The following BTRC variants were observed in gnomAD, a reference collection of about 807,000 sequenced individuals.
BTRC encodes F-box/WD repeat-containing protein 1A.
In BTRC, 42 loss-of-function variants were observed where a neutral mutation model predicts 85.5. The observed-to-expected ratio is 0.49, with a 90% CI of 0.38 to 0.64. BTRC has a LOEUF of 0.64. BTRC is among the 30% of genes least tolerant of loss of function. BTRC has a pLI of 0.00. For synonymous variants in BTRC, 255 were observed against 263.3 expected, an observed-to-expected ratio of 0.97 and a Z score of 0.30; for missense variants, 594 against 743.5, an observed-to-expected ratio of 0.80 and a Z score of 2.34.
intron 1 of BTRC, among the ~76,000 whole-genome samples, chr10:101,371,881 A>G (rs1378059204): frequency 6.6e-6 from 1 of 152,022 alleles, no homozygotes; most frequent in Non-Finnish European, 1.5e-5. Context: ...CTATGTAACA[A>G]GGTTTGAGGG....
At chr10:101,536,700 T>G in intron 12 of BTRC, 47 bp downstream of exon 12, 1 of 1,400,574 alleles carries the variant, frequency 7.1e-7, no homozygotes, top group Non-Finnish European at 1.0e-6. Flanking sequence ...TACGTCTTAA[T>G]CCTTCCTTAT....
chr10:101,489,345 C>G (rs925321327), intron 4 of BTRC, among the ~76,000 whole-genome samples: 5 of 152,032 alleles, frequency 3.3e-5, no homozygotes, highest in Non-Finnish European at 5.9e-5. Flanking sequence ...TTAAAGTCCA[C>G]TTGTTATTAT....
intron 4 of BTRC, among the ~76,000 whole-genome samples, chr10:101,511,463 G>T (rs866379411): frequency 6.6e-6 from 1 of 152,240 alleles, no homozygotes; most frequent in East Asian, 1.9e-4. Context: ...AGGCGTTCAA[G>T]CAGTTCTCGT....
At chr10:101,533,516 T>G (rs1398547477) in intron 9 of BTRC, among the ~76,000 whole-genome samples, 1 of 152,172 alleles carries the variant, frequency 6.6e-6, no homozygotes, top group African/African-American at 2.4e-5. Context: ...AGTTTTTAAT[T>G]GCAAGCTTCA....
intron 5 of BTRC, among the ~76,000 whole-genome samples, chr10:101,525,421 ACTT>A (rs2062175773): frequency 6.6e-6 from 1 of 152,154 alleles, no homozygotes; most frequent in South Asian, 2.1e-4. Flanking sequence ...CCATTCTTGA[ACTT>A]AAACATACAT....
At chr10:101,378,430 A>G (rs1030668652) in intron 1 of BTRC, among the ~76,000 whole-genome samples, 3 of 151,778 alleles carry the variant, frequency 2.0e-5, no homozygotes, top group Non-Finnish European at 4.4e-5. Context: ...TGAGTTTTAC[A>G]GTTATTTAAT....
intron 4 of BTRC, among the ~76,000 whole-genome samples, chr10:101,495,817 TA>T (rs1946244673): frequency 7.1e-6 from 1 of 139,940 alleles, no homozygotes; most frequent in Non-Finnish European, 1.6e-5. Flanking sequence ...TTTTTATTTT[TA>T]AAAAATTCCA....
chr10:101,532,794 G>A (rs1037935206), intron 8 of BTRC, among the ~76,000 whole-genome samples, 158 bp from the exon 9 acceptor site: 6 of 71,124 alleles, frequency 8.4e-5, no homozygotes, highest in African/African-American at 3.1e-4. Context: ...GTGTGTGCGC[G>A]TGTGCGCGCG....
At chr10:101,540,634 C>A (rs2062452161) in intron 13 of BTRC, among the ~76,000 whole-genome samples, 1 of 152,006 alleles carries the variant, frequency 6.6e-6, no homozygotes, top group Non-Finnish European at 1.5e-5. Flanking sequence ...CAAGTTCAAC[C>A]AAAAAAGTCT....
At chr10:101,529,518 T>C (rs2134401534) in intron 6 of BTRC, among the ~76,000 whole-genome samples, 1 of 152,334 alleles carries the variant, frequency 6.6e-6, no homozygotes, top group South Asian at 2.1e-4. Flanking sequence ...AAATCTATTA[T>C]TTGCCTGCAA....
chr10:101,419,481 G>A (rs1011552096), intron 1 of BTRC, among the ~76,000 whole-genome samples: 1 of 152,136 alleles, frequency 6.6e-6, no homozygotes, highest in Admixed American at 6.5e-5. Flanking sequence ...GTTGGTGGTG[G>A]TGGAATTCTT....
In BTRC at chr10:101,389,115, G is replaced by GTTTTTTTTTTTTTTTT. The variant is rs1471017781; in HGVS notation, c.48+34888_48+34889insTTTTTTTTTTTTTTTT. ...ATGTTGCATAATTGTGATTTTTTGT[G>GTTTTTTTTTTTTTTTT]TGTGTTTTTTTTTTTTTTTTTTTTT... is the stretch of plus-strand genomic sequence containing the variant. On this transcript the variant is annotated intron_variant, in intron 1 of 14. Transcript: ENST00000370187. 8.5e-4 allele frequency among the ~76,000 whole-genome samples: 30 copies of GTTTTTTTTTTTTTTTT among 35,462 alleles called. 9 individuals carry two copies. Among genetic ancestry groups the GTTTTTTTTTTTTTTTT allele is most frequent in the Non-Finnish European group, 1.1e-3 (23 of 20,258 alleles). 23.3% of individuals were successfully genotyped at this position (35,462 alleles called of 152,430 possible).
intron 3 of BTRC, among the ~76,000 whole-genome samples, chr10:101,471,061 A>C (rs1945511239): frequency 6.6e-6 from 1 of 152,174 alleles, no homozygotes. Context: ...ATAGGTGTCT[A>C]TCCTTGCACC....
Position 101,526,203 on chromosome 10 carries a change from A to G in BTRC, c.743+4A>G. 1 of 1,613,048 alleles carries G rather than the reference A, an allele frequency of 6.2e-7. No individual in the cohort carries two copies. The highest frequency in any genetic ancestry group is 8.5e-7 in the Non-Finnish European group (1 of 1,179,248). ...GCCTGGCAGAACGAAGAGGATGGTG[A>G]GCCTTTAACTTTTCTTACTCTTATA... On this transcript the variant is annotated splice_donor_region_variant and intron_variant, in intron 6 of 14. Coordinates refer to ENST00000370187, the MANE Select transcript of BTRC (RefSeq NM_033637.4).
At chr10:101,424,873 G>T (rs553099274) in intron 1 of BTRC, among the ~76,000 whole-genome samples, 11 of 152,152 alleles carry the variant, frequency 7.2e-5, no homozygotes, top group Non-Finnish European at 1.3e-4. Context: ...GCACGATGCT[G>T]AGGTTTGGAG....
At chr10:101,479,155 G>A (rs951036645) in intron 3 of BTRC, among the ~76,000 whole-genome samples, 1 of 152,154 alleles carries the variant, frequency 6.6e-6, no homozygotes, top group Non-Finnish European at 1.5e-5. Flanking sequence ...AGCCACTGCT[G>A]CTTACATACT....
At chr10:101,537,480 A>T (rs1025112730) in intron 12 of BTRC, among the ~76,000 whole-genome samples, 8 of 152,188 alleles carry the variant, frequency 5.3e-5, no homozygotes, top group African/African-American at 1.9e-4. Flanking sequence ...GTGAGCCAAG[A>T]TTGCGCCACC....
Position 101,354,239 on chromosome 10 carries a change from G to A in BTRC, c.48+11G>A. The A allele has an allele frequency of 6.5e-7, 1 of 1,548,778 alleles. No individual in the cohort carries two copies. The highest frequency in any genetic ancestry group is 8.7e-7 in the Non-Finnish European group (1 of 1,146,472). ...GCACTCAAGTTTATGGTGAGGAGAC[G>A]GTGGAGGCCGGGGAACGGTGGAGGC... is the stretch of plus-strand genomic sequence containing the variant. On this transcript the variant is annotated intron_variant, in intron 1 of 14. Coordinates refer to ENST00000370187, the MANE Select transcript of BTRC (RefSeq NM_033637.4).
chr10:101,422,947 T>C (rs1263590872), intron 1 of BTRC, among the ~76,000 whole-genome samples: 4 of 152,238 alleles, frequency 2.6e-5, no homozygotes, highest in Non-Finnish European at 4.4e-5. Flanking sequence ...GACTTGGCAA[T>C]GCGGGCTCTT....
Sources: allele counts gnomAD v4.1 joint callset (sites outside exome capture counted in the v4.1 genomes callset), GRCh38; gene constraint gnomAD v4.1.1; transcripts MANE v1.5; gene names NCBI Gene and HGNC (gene_info 2026-07-23, HGNC 2026-07-21).